Variants in CSMD1 observed in about 807,000 individuals in gnomAD.
CSMD1 encodes the protein CUB and Sushi multiple domains 1, also known as CUB and sushi domain-containing protein 1.
In CSMD1, 213 loss-of-function variants were observed where a neutral mutation model predicts 417.5. That is an observed-to-expected ratio of 0.51 (90% CI 0.46 to 0.57). The LOEUF is 0.57. CSMD1 is among the 20% of genes least tolerant of loss of function. The pLI is 0.00. For synonymous variants in CSMD1, 2,862 were observed against 1,736.8 expected, an observed-to-expected ratio of 1.65 and a Z score of -16.11; for missense variants, 6,923 against 4,529.7, an observed-to-expected ratio of 1.53 and a Z score of -15.17.
intron 3 of CSMD1, among the ~76,000 whole-genome samples, chr8:4,195,459 G>A (rs1799277483): frequency 6.6e-6 from 1 of 152,168 alleles, no homozygotes; most frequent in South Asian, 2.1e-4. Flanking sequence ...TGGCAGTACA[G>A]CCTTAATGTG....
chr8:4,565,350 T>A (rs1320826100), intron 2 of CSMD1, among the ~76,000 whole-genome samples: 2 of 152,204 alleles, frequency 1.3e-5, no homozygotes, highest in Non-Finnish European at 2.9e-5. Context: ...AAAAATGGCT[T>A]GTAACAAGCC....
chr8:3,880,431 A>G (rs531356900), intron 5 of CSMD1, among the ~76,000 whole-genome samples: 2 of 152,308 alleles, frequency 1.3e-5, no homozygotes, highest in East Asian at 1.9e-4. Context: ...CCAGGATTTG[A>G]GTGATATTTA....
chr8:4,580,790 G>T (rs1433794887), intron 2 of CSMD1, among the ~76,000 whole-genome samples: 1 of 152,154 alleles, frequency 6.6e-6, no homozygotes, highest in Non-Finnish European at 1.5e-5. Context: ...TTATGATAGT[G>T]TTAATTATAT....
intron 12 of CSMD1, among the ~76,000 whole-genome samples, chr8:3,446,627 A>C (rs1411073992): frequency 6.6e-6 from 1 of 152,212 alleles, no homozygotes; most frequent in Non-Finnish European, 1.5e-5. Flanking sequence ...TGTAGACAAA[A>C]GAAACGCTGT....
intron 5 of CSMD1, among the ~76,000 whole-genome samples, chr8:3,835,226 C>A (rs1802611490): frequency 6.6e-6 from 1 of 151,086 alleles, no homozygotes; most frequent in South Asian, 2.1e-4. Flanking sequence ...GGGTATATAC[C>A]CAAAGGATTA....
At chr8:2,975,985 C>T (rs1170982022) in intron 55 of CSMD1, among the ~76,000 whole-genome samples, 2 of 152,118 alleles carry the variant, frequency 1.3e-5, no homozygotes, top group Non-Finnish European at 2.9e-5. Context: ...CAGACAAAAA[C>T]AAAACTAAAC....
Position 3,025,070 on chromosome 8 carries a change from C to G in CSMD1, c.7855+4249G>C, listed in dbSNP as rs895726942. Among the ~76,000 whole-genome samples, 26 of 151,156 alleles carry G rather than the reference C, an allele frequency of 1.7e-4. 2 individuals are homozygous for G. The highest frequency in any genetic ancestry group is 6.4e-4 in the African/African-American group (26 of 40,538). ...TGTATTGTGTGGTGTTATTCTAAAA[C>G]TGTGTATTGTGTGGTGTTATTCTGA... is the stretch of plus-strand genomic sequence containing the variant. On this transcript the variant is annotated intron_variant, in intron 51 of 69. Coordinates refer to ENST00000635120, the MANE Select transcript of CSMD1 (RefSeq NM_033225.6).
chr8:3,342,107 C>A (rs1400470499), intron 23 of CSMD1, among the ~76,000 whole-genome samples: 1 of 152,188 alleles, frequency 6.6e-6, no homozygotes, highest in Non-Finnish European at 1.5e-5. Flanking sequence ...CATAGGCTTT[C>A]TATTTACTCA....
At chr8:4,808,807 A>C (rs1463730671) in intron 1 of CSMD1, among the ~76,000 whole-genome samples, 2 of 152,250 alleles carry the variant, frequency 1.3e-5, no homozygotes, top group African/African-American at 4.8e-5. Context: ...GCCAACAGGC[A>C]TGTAATAAAG....
chr8:3,199,326 T>A (rs1284159220), intron 33 of CSMD1, among the ~76,000 whole-genome samples: 1 of 152,158 alleles, frequency 6.6e-6, no homozygotes, highest in Non-Finnish European at 1.5e-5. Flanking sequence ...AATGTGAAAT[T>A]GTATAATGCA....
At chr8:3,360,516 C>T (rs892308452) in intron 20 of CSMD1, among the ~76,000 whole-genome samples, 1 of 152,054 alleles carries the variant, frequency 6.6e-6, no homozygotes, top group Non-Finnish European at 1.5e-5. Flanking sequence ...TCTGTAATGC[C>T]CAGTTTTGTC....
At chr8:4,262,962 T>C (rs1423454307) in intron 3 of CSMD1, among the ~76,000 whole-genome samples, 1 of 152,188 alleles carries the variant, frequency 6.6e-6, no homozygotes, top group African/African-American at 2.4e-5. Context: ...AAACTGAGTC[T>C]CCAAGTAGAA....
intron 3 of CSMD1, among the ~76,000 whole-genome samples, chr8:4,230,494 T>C (rs1428891824): frequency 6.6e-6 from 1 of 152,178 alleles, no homozygotes; most frequent in Non-Finnish European, 1.5e-5. Context: ...AAAGTAGATA[T>C]AATGGTTACT....
intron 10 of CSMD1, among the ~76,000 whole-genome samples, chr8:3,515,567 C>T (rs1325739157): frequency 2.6e-5 from 4 of 152,152 alleles, no homozygotes; most frequent in Admixed American, 1.3e-4. Context: ...CTCCCATTGC[C>T]GTTTTCGGAA....
At chr8:3,311,588 G>C (rs777456112) in intron 23 of CSMD1, among the ~76,000 whole-genome samples, 1 of 152,182 alleles carries the variant, frequency 6.6e-6, no homozygotes, top group Admixed American at 6.5e-5. Context: ...TATGCTAGAC[G>C]ATTTGTGCTA....
intron 5 of CSMD1, among the ~76,000 whole-genome samples, chr8:3,844,683 G>C (rs1232255955): frequency 6.6e-6 from 1 of 152,100 alleles, no homozygotes; most frequent in African/African-American, 2.4e-5. Context: ...ATCATTGTCG[G>C]GAACTGCAGC....
chr8:3,820,485 T>G (rs535927855), intron 5 of CSMD1, among the ~76,000 whole-genome samples: 5 of 152,160 alleles, frequency 3.3e-5, no homozygotes, highest in East Asian at 3.9e-4. Flanking sequence ...CACTGGAAGT[T>G]TGTCAGGGTC....
intron 1 of CSMD1, among the ~76,000 whole-genome samples, chr8:4,943,330 C>T (rs766165645): frequency 6.6e-6 from 1 of 151,790 alleles, no homozygotes; most frequent in Non-Finnish European, 1.5e-5. Context: ...CCCGTCTCTA[C>T]TAAAATATAC....
intron 4 of CSMD1, among the ~76,000 whole-genome samples, chr8:4,009,347 C>A (rs748824011): frequency 1.2e-4 from 19 of 152,124 alleles, no homozygotes; most frequent in Non-Finnish European, 2.8e-4. Context: ...ATCTTACGGA[C>A]ATAATTTAAA....
Sources: allele counts gnomAD v4.1 joint callset (sites outside exome capture counted in the v4.1 genomes callset), GRCh38; gene constraint gnomAD v4.1.1; transcripts MANE v1.5; gene names NCBI Gene and HGNC (gene_info 2026-07-23, HGNC 2026-07-21).